Variants in RIC8B observed in about 807,000 individuals in gnomAD.
RIC8B encodes the protein chaperone Ric-8B.
RIC8B carries 16 observed loss-of-function variants against 57.5 expected under a neutral mutation model. That is an observed-to-expected ratio of 0.28 (90% CI 0.19 to 0.42). The LOEUF (loss-of-function observed/expected upper bound fraction) is 0.42, where lower values mean the gene tolerates loss of function less well. RIC8B is among the 10% of genes least tolerant of loss of function. The probability of loss-of-function intolerance (pLI) is 1.00; values close to 1 mark genes in which losing one functional copy is unlikely to be tolerated. For synonymous variants in RIC8B, 216 were observed against 250.8 expected (o/e 0.86, Z 1.31); for missense variants, 481 against 677.0 (o/e 0.71, Z 3.21).
At chr12:106,865,386 A>G (rs1000129649) in intron 8 of RIC8B, among the ~76,000 whole-genome samples, 15 of 152,190 alleles carry the variant, frequency 9.9e-5, no homozygotes, top group African/African-American at 3.4e-4. Flanking sequence ...AAAGAGAGAA[A>G]TAAGTTTGCC....
Position 106,879,152 on chromosome 12 carries a change from T to C in RIC8B, c.1572-6752T>C, listed in dbSNP as rs144157516. The C allele has an allele frequency of 6.5e-3, 6,388 of 985,796 alleles. 42 individuals are homozygous for C. Among genetic ancestry groups the C allele is most frequent in the South Asian group, 0.036 (774 of 21,272 alleles). 61.1% of individuals were successfully genotyped at this position (985,796 alleles called of 1,614,324 possible). On this transcript the variant is annotated intron_variant, in intron 9 of 9. Transcript: ENST00000392837. The surrounding 1 kb of genome is among the most constrained non-coding windows in gnomAD (Gnocchi z 4.9). Reference sequence around the variant, plus strand: ...TAAATTCGAAGGGACTCTTGGGAGATCTGCAAGTGGGAAACAAGAATGCAT... The same window carrying C: ...TAAATTCGAAGGGACTCTTGGGAGACCTGCAAGTGGGAAACAAGAATGCAT...
chr12:106,796,617 T>C (rs576904926), intron 2 of RIC8B, among the ~76,000 whole-genome samples: 1 of 152,320 alleles, frequency 6.6e-6, no homozygotes, highest in South Asian at 2.1e-4. Flanking sequence ...TAAATCTTCA[T>C]GTCCCTGGAT....
chr12:106,834,750 G>A (rs1444345901), intron 4 of RIC8B, among the ~76,000 whole-genome samples: 1 of 152,064 alleles, frequency 6.6e-6, no homozygotes, highest in East Asian at 1.9e-4. Flanking sequence ...TTGGGAGGCC[G>A]AGGCAGGCAG....
At chr12:106,820,585 T>G (rs1239026641) in intron 3 of RIC8B, among the ~76,000 whole-genome samples, 1 of 152,192 alleles carries the variant, frequency 6.6e-6, no homozygotes, top group East Asian at 1.9e-4. Context: ...CCTTCTCCCG[T>G]GCTTCCAAGG....
At chr12:106,853,573 A>G (rs975461320) in intron 7 of RIC8B, among the ~76,000 whole-genome samples, 3 of 143,464 alleles carry the variant, frequency 2.1e-5, no homozygotes, top group African/African-American at 7.9e-5. Context: ...GGTTGAAGCG[A>G]TTCTCCTGCC....
chr12:106,865,174 C>A, intron 8 of RIC8B, among the ~76,000 whole-genome samples: 1 of 152,038 alleles, frequency 6.6e-6, no homozygotes, highest in Non-Finnish European at 1.5e-5. Flanking sequence ...ATTTTGTTGC[C>A]AGCCTGCCAT....
chr12:106,798,902 T>A (rs1301396741), intron 2 of RIC8B, among the ~76,000 whole-genome samples: 2 of 152,240 alleles, frequency 1.3e-5, no homozygotes, highest in African/African-American at 2.4e-5. Flanking sequence ...GCATTTCTTA[T>A]TCATTTTACA....
At chr12:106,846,395 G>C (rs1443269530) in intron 6 of RIC8B, among the ~76,000 whole-genome samples, 2 of 152,026 alleles carry the variant, frequency 1.3e-5, no homozygotes, top group Non-Finnish European at 2.9e-5. Flanking sequence ...TTATGGTCAA[G>C]ATTTAGTAAG....
intron 8 of RIC8B, among the ~76,000 whole-genome samples, chr12:106,864,421 A>G (rs1950056656): frequency 6.6e-6 from 1 of 152,160 alleles, no homozygotes; most frequent in African/African-American, 2.4e-5. Context: ...AGTGCTTAAT[A>G]TGTGCCAGGC....
chr12:106,884,772 C>T (rs1399555317), intron 9 of RIC8B, among the ~76,000 whole-genome samples: 1 of 152,174 alleles, frequency 6.6e-6, no homozygotes, highest in Non-Finnish European at 1.5e-5. Flanking sequence ...CAGGAGATTT[C>T]ACTGTGTCTG....
At chr12:106,792,600 G>A (rs1243894312) in intron 2 of RIC8B, among the ~76,000 whole-genome samples, 1 of 152,052 alleles carries the variant, frequency 6.6e-6, no homozygotes, top group Non-Finnish European at 1.5e-5. Context: ...TAGTCCCAAA[G>A]GCATACAGTC....
intron 9 of RIC8B, 188 bp downstream of exon 9, chr12:106,871,130 G>A (rs918414044): frequency 6.6e-6 from 3 of 455,780 alleles, no homozygotes; most frequent in African/African-American, 5.9e-5. Context: ...GCTTCTGGAT[G>A]TGCATTCCTA....
In RIC8B at chr12:106,886,298, C is replaced by A. The variant is rs1951181808; in HGVS notation, c.*283C>A. The A allele has an allele frequency of 3.4e-6, 1 of 290,256 alleles. No individual in the cohort carries two copies. The highest frequency in any genetic ancestry group is 6.4e-5 in the East Asian group (1 of 15,572). The allele number at this position is 290,256 out of a possible 1,614,324, so 18.0% of individuals were successfully genotyped here. ...TGAAGGATTTTATTCTATAAAGCGG[C>A]CCTGGTTGAATCTGGCAATTCTTTT... On this transcript the variant is annotated 3_prime_UTR_variant, in exon 10 of 10. Transcript: ENST00000392837.
At chr12:106,780,904 A>G (rs1186324537) in intron 1 of RIC8B, among the ~76,000 whole-genome samples, 1 of 152,174 alleles carries the variant, frequency 6.6e-6, no homozygotes, top group Non-Finnish European at 1.5e-5. Flanking sequence ...ATAAAAAATA[A>G]GGAAAATTTG....
At chr12:106,849,202 T>G (rs1419056333) in intron 6 of RIC8B, among the ~76,000 whole-genome samples, 2 of 152,102 alleles carry the variant, frequency 1.3e-5, no homozygotes, top group Non-Finnish European at 2.9e-5. Flanking sequence ...ATGGTATACC[T>G]GTATCAAAAT....
chr12:106,775,080 C>G (rs1466773060), intron 1 of RIC8B, among the ~76,000 whole-genome samples: 2 of 152,216 alleles, frequency 1.3e-5, no homozygotes, highest in Non-Finnish European at 2.9e-5. Context: ...GTCCTCCTCT[C>G]AAGCGTGCAA....
chr12:106,815,492 A>G (rs2045532950), intron 3 of RIC8B, among the ~76,000 whole-genome samples, 188 bp downstream of exon 3: 1 of 152,224 alleles, frequency 6.6e-6, no homozygotes, highest in South Asian at 2.1e-4. Flanking sequence ...TTTGTGTGAT[A>G]ACACCTATCA....
In RIC8B at chr12:106,842,543, C is replaced by G. The variant is rs772627912; in HGVS notation, c.837-46C>G. The stretch of plus-strand genomic sequence containing the variant: ...CTTATTATGTTTGCATTTTAAAGGA[C>G]TATTCAATCAAGTTAAAATATTGTA... On this transcript the variant is annotated intron_variant, in intron 4 of 9. Coordinates refer to ENST00000392837, the MANE Select transcript of RIC8B (RefSeq NM_001330145.2). 5.7e-6 allele frequency: 8 copies of G among 1,415,460 alleles called. No homozygotes were observed. The South Asian group carries it at 8.4e-5, about 15-fold the overall frequency. 87.7% of individuals were successfully genotyped at this position (1,415,460 alleles called of 1,614,324 possible).
chr12:106,803,629 G>A (rs1420208516), intron 2 of RIC8B, among the ~76,000 whole-genome samples: 2 of 152,086 alleles, frequency 1.3e-5, no homozygotes, highest in African/African-American at 4.8e-5. Flanking sequence ...TTGTTTCAGT[G>A]TATTCAATTA....
Sources: gnomAD v4.1 joint callset for allele counts (sites outside exome capture counted in the v4.1 genomes callset) on GRCh38, gnomAD v4.1.1 for gene constraint, Gnocchi (gnomAD v3.1) non-coding constraint, MANE v1.5 for transcripts, NCBI Gene and HGNC (gene_info 2026-07-23, HGNC 2026-07-21) for gene names.